DPH6: variants seen among roughly 807,000 people sequenced by gnomAD.
The protein encoded by DPH6 is diphthamine biosynthesis 6, also known as diphthine--ammonia ligase.
Under a neutral mutation model 38.2 loss-of-function variants are expected in DPH6, and 33 were observed. That is an observed-to-expected ratio of 0.86 (90% CI 0.65 to 1.15). DPH6 has a LOEUF of 1.15. Ranked by LOEUF, DPH6 falls within the 50% of genes most tolerant of loss-of-function variation. DPH6 has a pLI of 0.00. For synonymous variants in DPH6, 108 were observed against 103.0 expected, an observed-to-expected ratio of 1.05 and a Z score of -0.30; for missense variants, 325 against 320.0, an observed-to-expected ratio of 1.02 and a Z score of -0.12.
At position 35,351,050 on chromosome 15, in the gene DPH6, T is replaced by A. The variant is rs572770997; in HGVS notation, n.208-19973A>T. On this transcript the variant is annotated intron_variant and non_coding_transcript_variant, in intron 3 of 3. Coordinates refer to the DPH6 transcript ENST00000558973. ...AATCTCTATCATTATTGTGTTACTA[T>A]CTAATTATCCCTGCAATTCTTTCAA... 2.0e-5 allele frequency among the ~76,000 whole-genome samples: 3 copies of A among 152,242 alleles called. No homozygotes were observed. In the South Asian group the frequency reaches 6.2e-4, roughly 32 times the overall value.
In DPH6 at chr15:35,371,782, T is replaced by C; in HGVS notation, c.*368A>G. ...ATCTTCATTTTCAAATGCCTCTGCA[T>C]CATGACATTATTGGTAGGGATTGGA... On this transcript the variant is annotated 3_prime_UTR_variant, in exon 9 of 9. Coordinates refer to ENST00000256538, the MANE Select transcript of DPH6 (RefSeq NM_080650.4). 4.0e-6 allele frequency: 4 copies of C among 998,004 alleles called. No homozygotes were observed. Among genetic ancestry groups the C allele is most frequent in the Non-Finnish European group, 3.6e-6 (3 of 838,894 alleles). 61.8% of individuals were successfully genotyped at this position (998,004 alleles called of 1,614,324 possible). A position where few individuals can be genotyped will look rare whatever the true frequency, so the allele number is the denominator to read the frequency against.
At chr15:35,336,069 G>A (rs1209228597) in intron 3 of DPH6, among the ~76,000 whole-genome samples, 1 of 152,044 alleles carries the variant, frequency 6.6e-6, no homozygotes, top group Admixed American at 6.6e-5. Flanking sequence ...GTAGTTTCTA[G>A]TTCTTCTTGA....
chr15:35,205,522 A>G, the DPH6 span, among the ~76,000 whole-genome samples: 7 of 152,100 alleles, frequency 4.6e-5, no homozygotes, highest in Non-Finnish European at 8.8e-5. Flanking sequence ...TAATTTACAT[A>G]GCCTATTTTT....
At chr15:35,218,768 A>G (rs936918952) in exon 4 of DPH6, 3 of 152,140 alleles carry the variant, frequency 2.0e-5, no homozygotes, top group Admixed American at 2.0e-4. Flanking sequence ...CAAGCAGTGT[A>G]ATTAAGATAC....
At chr15:35,211,022 C>T in the DPH6 span, among the ~76,000 whole-genome samples, 1 of 116,652 alleles carries the variant, frequency 8.6e-6, no homozygotes, top group South Asian at 3.0e-4. Context: ...GACCTTTTTA[C>T]AAAGCATCTG....
At chr15:35,425,772 T>A (rs970740775) in intron 5 of DPH6, among the ~76,000 whole-genome samples, 8 of 148,134 alleles carry the variant, frequency 5.4e-5, no homozygotes, top group African/African-American at 2.0e-4. Flanking sequence ...AAGAAAGACA[T>A]CCTTTCCATG....
intron 6 of DPH6, among the ~76,000 whole-genome samples, chr15:35,382,952 T>G (rs946600154): frequency 1.3e-5 from 2 of 151,924 alleles, no homozygotes; most frequent in Non-Finnish European, 2.9e-5. Context: ...AGTAAAAAAA[T>G]CTCCTATCTG....
At chr15:35,295,222 T>G (rs2052007003) in intron 3 of DPH6, among the ~76,000 whole-genome samples, 2 of 152,176 alleles carry the variant, frequency 1.3e-5, no homozygotes, top group South Asian at 2.1e-4. Flanking sequence ...TCATTTTCAT[T>G]AAACCCATCT....
chr15:35,350,947 G>T (rs556664265), intron 3 of DPH6, among the ~76,000 whole-genome samples: 1 of 152,230 alleles, frequency 6.6e-6, no homozygotes, highest in African/African-American at 2.4e-5. Context: ...AGACCAATTT[G>T]TCTAGAGTGT....
At chr15:35,412,540 G>T (rs2053380422) in intron 5 of DPH6, among the ~76,000 whole-genome samples, 1 of 151,704 alleles carries the variant, frequency 6.6e-6, no homozygotes, top group African/African-American at 2.4e-5. Context: ...GATATTTATA[G>T]CAGTTTTATT....
intron 3 of DPH6, among the ~76,000 whole-genome samples, chr15:35,236,942 A>G (rs1008962151): frequency 3.3e-5 from 5 of 152,090 alleles, no homozygotes; most frequent in Non-Finnish European, 7.4e-5. Context: ...TAGTCGATAG[A>G]TATTTTTGTT....
the DPH6 span, among the ~76,000 whole-genome samples, chr15:35,182,213 T>G: frequency 7.6e-6 from 1 of 132,184 alleles, no homozygotes; most frequent in Non-Finnish European, 1.6e-5. Context: ...ACTGGACAAC[T>G]CTAAGAATTT....
intron 7 of DPH6, among the ~76,000 whole-genome samples, chr15:35,381,085 CAA>C (rs1448521501): frequency 4.6e-5 from 7 of 152,082 alleles, no homozygotes; most frequent in South Asian, 2.1e-4. Context: ...TTAATATGCA[CAA>C]AGAGGTTAAG....
intron 3 of DPH6, among the ~76,000 whole-genome samples, chr15:35,460,002 C>G (rs1420120187): frequency 6.6e-6 from 1 of 152,012 alleles, no homozygotes; most frequent in Non-Finnish European, 1.5e-5. Context: ...AATAAAACAC[C>G]AAGCCTTTAA....
exon 4 of DPH6, chr15:35,220,151 T>A (rs2051433399): frequency 6.6e-6 from 1 of 152,202 alleles, no homozygotes; most frequent in Non-Finnish European, 1.5e-5. Flanking sequence ...ATATCATATA[T>A]CTCTGTCTAC....
Position 35,448,591 on chromosome 15 carries a change from C to T in DPH6, c.505+2094G>A, listed in dbSNP as rs1431713945. Among the ~76,000 whole-genome samples the T allele has an allele frequency of 2.6e-5, 4 of 152,126 alleles. No homozygotes were observed. In the East Asian group the frequency reaches 7.7e-4, roughly 29 times the overall value. On this transcript the variant is annotated intron_variant, in intron 5 of 8. Transcript: ENST00000256538. Reference sequence around the variant, plus strand: ...TAGAAAATGTGTAAGATGACCACTTCGTGGCAGCACTGTTTATCACAGTGC... The same window carrying T: ...TAGAAAATGTGTAAGATGACCACTTTGTGGCAGCACTGTTTATCACAGTGC...
chr15:35,246,510 G>A (rs914667171), intron 3 of DPH6, among the ~76,000 whole-genome samples: 4 of 152,124 alleles, frequency 2.6e-5, no homozygotes, highest in Non-Finnish European at 4.4e-5. Context: ...AGCTCTGCCT[G>A]CCTTTTAGTG....
intron 3 of DPH6, among the ~76,000 whole-genome samples, chr15:35,479,880 G>T (rs992796150): frequency 6.6e-6 from 1 of 151,872 alleles, no homozygotes; most frequent in Admixed American, 6.6e-5. Context: ...AAAGCATTTC[G>T]ATTAGACAAT....
Position 35,483,361 on chromosome 15 carries a change from G to T in DPH6, c.313-28541C>A, listed in dbSNP as rs148898865. Among the ~76,000 whole-genome samples the T allele has an allele frequency of 1.2e-3, 177 of 152,050 alleles. 1 individual carries two copies. Among genetic ancestry groups the T allele is most frequent in the Admixed American group, 9.4e-3 (143 of 15,256 alleles). On this transcript the variant is annotated intron_variant, in intron 3 of 8. Transcript: ENST00000256538. ...CACCTGTAATCCCAGCTACTCAAGA[G>T]GCTGAGGCAGGAGAATTGCTTAAAC... is the stretch of plus-strand genomic sequence containing the variant.
Sources: allele counts gnomAD v4.1 joint callset (sites outside exome capture counted in the v4.1 genomes callset), GRCh38; gene constraint gnomAD v4.1.1; transcripts MANE v1.5; gene names NCBI Gene and HGNC (gene_info 2026-07-23, HGNC 2026-07-21).